The following C3orf70 variants were observed in gnomAD, a reference collection of about 807,000 sequenced individuals.
C3orf70 encodes UPF0524 protein C3orf70.
A neutral mutation model predicts 20.7 loss-of-function variants in C3orf70; 15 were observed. That is an observed-to-expected ratio of 0.72 (90% CI 0.48 to 1.11). The LOEUF is 1.11. C3orf70 is among the 50% of genes most tolerant of loss of function. C3orf70 has a pLI of 0.00. For synonymous variants in C3orf70, 161 were observed against 125.7 expected, an observed-to-expected ratio of 1.28 and a Z score of -1.88; for missense variants, 332 against 317.6, an observed-to-expected ratio of 1.05 and a Z score of -0.34.
intron 1 of C3orf70, among the ~76,000 whole-genome samples, chr3:185,125,423 CAACAACAAA>C (rs1326669872): frequency 1.8e-5 from 2 of 114,248 alleles, no homozygotes; most frequent in African/African-American, 3.5e-5. Flanking sequence ...ACAACAACAA[CAACAACAAA>C]AACCAGTTTG....
At chr3:185,152,482 G>C (rs1294535910) in intron 1 of C3orf70, 146 bp downstream of exon 1, 5 of 538,908 alleles carry the variant, frequency 9.3e-6, no homozygotes, top group Non-Finnish European at 1.5e-5. Flanking sequence ...GGCGGGCCCG[G>C]AGCCCACGGC....
rs184546163 is a variant in C3orf70 at position 185,136,617 on chromosome 3, G to A, written c.196+16011C>T. On this transcript the variant is annotated intron_variant, in intron 1 of 1. Transcript: ENST00000335012. Reference sequence around the variant, plus strand: ...CGGGCACCTGCAGTCCCAGCTACTCGGGAGGCTGAGGCAGGAGAATGGCGT... The same window carrying A: ...CGGGCACCTGCAGTCCCAGCTACTCAGGAGGCTGAGGCAGGAGAATGGCGT... Among the ~76,000 whole-genome samples, 1,135 of 152,230 alleles carry A rather than the reference G, an allele frequency of 7.5e-3. 21 individuals carry two copies. Among genetic ancestry groups the A allele is most frequent in the African/African-American group, 0.025 (1,058 of 41,546 alleles).
intron 1 of C3orf70, among the ~76,000 whole-genome samples, chr3:185,126,134 A>G (rs771803504): frequency 1.3e-5 from 2 of 152,240 alleles, no homozygotes; most frequent in Non-Finnish European, 2.9e-5. Flanking sequence ...GAAGGTAAAA[A>G]TGATAAATCG....
intron 1 of C3orf70, among the ~76,000 whole-genome samples, chr3:185,116,488 G>A (rs1716176497): frequency 6.6e-6 from 1 of 152,170 alleles, no homozygotes; most frequent in African/African-American, 2.4e-5. Flanking sequence ...GACAATTCTT[G>A]TGAAGAGCTA....
At chr3:185,117,914 T>C (rs571156060) in intron 1 of C3orf70, among the ~76,000 whole-genome samples, 2 of 152,188 alleles carry the variant, frequency 1.3e-5, no homozygotes, top group Non-Finnish European at 2.9e-5. Flanking sequence ...TATGGACCCA[T>C]CCTTCAGTTG....
At position 185,083,164 on chromosome 3, in the gene C3orf70, TAGTG is replaced by T. The variant is rs746217001; in HGVS notation, c.592_595del (p.His198MetfsTer15). 1.9e-6 allele frequency: 3 copies of T among 1,614,120 alleles called. No homozygotes were observed. The highest frequency in any genetic ancestry group is 1.7e-6 in the Non-Finnish European group (2 of 1,180,016). The stretch of plus-strand genomic sequence containing the variant: ...TGTGTCCTCGTCACACGATTCCACA[TAGTG>T]AGCCCCAATCGCATTGATCCCAGAG... On this transcript the variant is annotated frameshift_variant, in exon 2 of 2. Transcript: ENST00000335012. LOFTEE classifies it high-confidence loss of function.
At chr3:185,085,060 C>G (rs576002438) in intron 1 of C3orf70, among the ~76,000 whole-genome samples, 1 of 152,282 alleles carries the variant, frequency 6.6e-6, no homozygotes, top group South Asian at 2.1e-4. Context: ...CCACTAGATG[C>G]CAGTAGCAGC....
intron 1 of C3orf70, among the ~76,000 whole-genome samples, chr3:185,112,768 C>T (rs552642735): frequency 6.6e-6 from 1 of 152,284 alleles, no homozygotes; most frequent in South Asian, 2.1e-4. Context: ...CCTCCCTCCT[C>T]CTACCCTATC....
intron 1 of C3orf70, among the ~76,000 whole-genome samples, chr3:185,139,170 AAGG>A (rs1340072129): frequency 1.3e-5 from 2 of 149,984 alleles, no homozygotes; most frequent in Non-Finnish European, 3.0e-5. Context: ...GAGGAGCAGA[AAGG>A]AGGAGAAGGG....
At chr3:185,098,100 A>G (rs1306505876) in intron 1 of C3orf70, among the ~76,000 whole-genome samples, 1 of 152,212 alleles carries the variant, frequency 6.6e-6, no homozygotes, top group Non-Finnish European at 1.5e-5. Context: ...CAAAGCCATA[A>G]GCCTGCAGGG....
At chr3:185,089,128 T>G (rs1180908104) in intron 1 of C3orf70, among the ~76,000 whole-genome samples, 5 of 152,236 alleles carry the variant, frequency 3.3e-5, no homozygotes, top group Non-Finnish European at 1.5e-5. Flanking sequence ...GCATCTCCAC[T>G]GATAAACTGA....
At position 185,077,466 on chromosome 3, in the gene C3orf70, G is replaced by GAA. The variant is rs1365560862; in HGVS notation, c.*5539_*5540dup. On this transcript the variant is annotated 3_prime_UTR_variant, in exon 2 of 2. Transcript: ENST00000335012. ...AGGGTTGCTGTGGAGATTATGCATA[G>GAA]AAAGCTTAAGGTAGCCATTGAACTA... Among the ~76,000 whole-genome samples, 4 of 152,150 alleles carry GAA rather than the reference G, an allele frequency of 2.6e-5. No homozygotes were observed. Among genetic ancestry groups the GAA allele is most frequent in the Admixed American group, 2.0e-4 (3 of 15,262 alleles).
intron 1 of C3orf70, among the ~76,000 whole-genome samples, chr3:185,108,236 G>A (rs538124747): frequency 6.6e-6 from 1 of 152,302 alleles, no homozygotes; most frequent in South Asian, 2.1e-4. Context: ...AAATGTTACA[G>A]ATAGGTCTAG....
intron 1 of C3orf70, among the ~76,000 whole-genome samples, chr3:185,091,931 A>G (rs559055850): frequency 1.1e-4 from 2 of 17,582 alleles, no homozygotes; most frequent in African/African-American, 3.4e-4. Context: ...ATATATATAT[A>G]TATATATATA....
At chr3:185,127,589 G>T (rs1413178018) in intron 1 of C3orf70, among the ~76,000 whole-genome samples, 1 of 152,026 alleles carries the variant, frequency 6.6e-6, no homozygotes, top group Non-Finnish European at 1.5e-5. Context: ...ACAGGCACAT[G>T]CCACCACGCC....
At position 185,083,551 on chromosome 3, in the gene C3orf70, T is replaced by C. The variant is rs532564474; in HGVS notation, c.209A>G (p.Tyr70Cys). Residue 70 changes from tyrosine (Y) to cysteine (C), a missense_variant, in exon 2 of 2, where the codon TAT becomes TGT. Coordinates refer to ENST00000335012, the MANE Select transcript of C3orf70 (RefSeq NM_001025266.3). ...CTGTTCCACAGGGGTCATAGGCTGATACATGTATTTGCCTGTGAAGACACA... is the reference window on the plus strand; with the variant it reads ...CTGTTCCACAGGGGTCATAGGCTGACACATGTATTTGCCTGTGAAGACACA... ...HLGWCHCKYM[Y>C]QPMTPVEQLP... 2 of 1,593,278 alleles carry C rather than the reference T, an allele frequency of 1.3e-6. No homozygotes were observed. Among genetic ancestry groups the C allele is most frequent in the Non-Finnish European group, 1.7e-6 (2 of 1,170,372 alleles).
intron 1 of C3orf70, among the ~76,000 whole-genome samples, chr3:185,119,858 T>C (rs563786863): frequency 4.6e-5 from 7 of 151,670 alleles, no homozygotes; most frequent in Non-Finnish European, 1.0e-4. Context: ...ACCCCATCTC[T>C]ACTAAAAATA....
chr3:185,089,992 C>G (rs1715531707), intron 1 of C3orf70, among the ~76,000 whole-genome samples: 1 of 152,182 alleles, frequency 6.6e-6, no homozygotes, highest in African/African-American at 2.4e-5. Context: ...CATCCTGGCT[C>G]TTTGGTTGAA....
chr3:185,076,971 AGAT>A lies in C3orf70; in HGVS notation c.*6033_*6035del, dbSNP rs1280607190. On this transcript the variant is annotated 3_prime_UTR_variant, in exon 2 of 2. Coordinates refer to ENST00000335012, the MANE Select transcript of C3orf70 (RefSeq NM_001025266.3). The stretch of plus-strand genomic sequence containing the variant: ...AGTTAAAACAGTAGAGTGCACACGC[AGAT>A]GAGATGCGCTGTCTGCAGGAATCAC... Among the ~76,000 whole-genome samples, 1 of 152,256 alleles carries A rather than the reference AGAT, an allele frequency of 6.6e-6. No homozygotes were observed. Among genetic ancestry groups the A allele is most frequent in the Non-Finnish European group, 1.5e-5 (1 of 68,042 alleles).
Sources: allele counts gnomAD v4.1 joint callset (sites outside exome capture counted in the v4.1 genomes callset), GRCh38; gene constraint gnomAD v4.1.1; transcripts MANE v1.5; gene names NCBI Gene and HGNC (gene_info 2026-07-23, HGNC 2026-07-21).